Variants in C2orf72 observed in about 807,000 individuals in gnomAD.
C2orf72 encodes the protein uncharacterized protein C2orf72.
A neutral mutation model predicts 14.4 loss-of-function variants in C2orf72; 16 were observed. That is an observed-to-expected ratio of 1.11 (90% CI 0.75 to 1.69). C2orf72 has a LOEUF of 1.69. Among genes scored for constraint, C2orf72 ranks in the 40% most tolerant of loss-of-function variants. The pLI is 0.00. For missense variants in C2orf72, 371 were observed against 358.3 expected, an observed-to-expected ratio of 1.04 and a Z score of -0.29; for synonymous variants, 168 against 176.8, an observed-to-expected ratio of 0.95 and a Z score of 0.40.
intron 2 of C2orf72, among the ~76,000 whole-genome samples, chr2:231,045,595 T>C (rs1197045293): frequency 1.4e-5 from 2 of 145,338 alleles, no homozygotes; most frequent in African/African-American, 5.1e-5. Flanking sequence ...CTTGGCTCAC[T>C]GCAAGCCCCG....
In C2orf72 at chr2:231,046,947, G is replaced by T; in HGVS notation, c.814G>T (p.Asp272Tyr). Residue 272 changes from aspartate to tyrosine, a missense_variant, in exon 3 of 3, where the codon GAC becomes TAC. Around this residue, in one of 3 missense-constraint regions of C2orf72, gnomAD observed 145 missense variants for 149.4 expected, o/e 0.97. Transcript: ENST00000373640. ...TAIFPNGDCD[D>Y]LGRGSKACDG... ...CATATTTCCCAATGGAGACTGTGAT[G>T]ACCTTGGAAGGGGGTCAAAAGCCTG... The T allele has an allele frequency of 1.9e-6, 3 of 1,551,696 alleles. No individual in the cohort carries two copies. Among genetic ancestry groups the T allele is most frequent in the Non-Finnish European group, 2.6e-6 (3 of 1,146,994 alleles).
At chr2:231,042,848 T>C (rs545791298) in intron 2 of C2orf72, among the ~76,000 whole-genome samples, 1 of 152,068 alleles carries the variant, frequency 6.6e-6, no homozygotes. Flanking sequence ...CTACTAAAAA[T>C]ACAAAATTAG....
At chr2:231,046,833 C>T in intron 2 of C2orf72, 49 bp from the exon 3 acceptor site, 1 of 1,513,254 alleles carries the variant, frequency 6.6e-7, no homozygotes, top group Non-Finnish European at 8.9e-7. Flanking sequence ...AGATAACTCA[C>T]TCACAACCTT....
Position 231,047,144 on chromosome 2 carries a change from C to A in C2orf72, c.*123C>A. On this transcript the variant is annotated 3_prime_UTR_variant, in exon 3 of 3. Coordinates refer to ENST00000373640, the MANE Select transcript of C2orf72 (RefSeq NM_001144994.2). ...CCGCCTGCTGGAGGCCTGCCACACT[C>A]ACAGTTACCAGCTAGACAGTGGGGC... The A allele has an allele frequency of 8.4e-7, 1 of 1,185,506 alleles. No homozygotes were observed. Among genetic ancestry groups the A allele is most frequent in the Non-Finnish European group, 1.2e-6 (1 of 819,628 alleles). The allele number at this position is 1,185,506 out of a possible 1,614,324, so 73.4% of individuals were successfully genotyped here. A position where few individuals can be genotyped will look rare whatever the true frequency, so the allele number is the denominator to read the frequency against.
Position 231,041,223 on chromosome 2 carries a change from C to G in C2orf72, c.635-73C>G, listed in dbSNP as rs988379549. On this transcript the variant is annotated intron_variant, in intron 1 of 2. Coordinates refer to ENST00000373640, the MANE Select transcript of C2orf72 (RefSeq NM_001144994.2). ...GTTGACCGTTGGGGCACTTGATTTG[C>G]TAAACGAAATCTCTCAGTCTTGTGA... 13 of 1,107,508 alleles carry G rather than the reference C, an allele frequency of 1.2e-5. No individual in the cohort carries two copies. The African/African-American group carries it at 2.1e-4, about 18-fold the overall frequency. 68.6% of individuals were successfully genotyped at this position (1,107,508 alleles called of 1,614,324 possible). A position where few individuals can be genotyped will look rare whatever the true frequency, so the allele number is the denominator to read the frequency against.
At position 231,037,922 on chromosome 2, in the gene C2orf72, G is replaced by T; in HGVS notation, c.357G>T (p.Arg119=). ...GCCGCGCGTCGTCGCTGGCCGCCCG[G>T]GAGCCGCGGCGCCGCCTGCGGGAGA... ...VLCRASSLAA[R]EPRRRLREML... Residue 119 remains arginine, a synonymous_variant, in exon 1 of 3, where the codon CGG becomes CGT. Transcript: ENST00000373640. 1 of 1,028,746 alleles carries T rather than the reference G, an allele frequency of 9.7e-7. No individual in the cohort carries two copies. The highest frequency in any genetic ancestry group is 5.1e-5 in the Admixed American group (1 of 19,694). The allele number at this position is 1,028,746 out of a possible 1,614,324, so 63.7% of individuals were successfully genotyped here. A position where few individuals can be genotyped will look rare whatever the true frequency, so the allele number is the denominator to read the frequency against.
rs1490532418 is a variant in C2orf72 at position 231,048,397 on chromosome 2, C to T, written c.*1376C>T. 2.0e-5 allele frequency: 3 copies of T among 152,302 alleles called. No individual in the cohort carries two copies. Among genetic ancestry groups the T allele is most frequent in the Non-Finnish European group, 4.4e-5 (3 of 68,112 alleles). The allele number at this position is 152,302 out of a possible 1,614,324, so 9.4% of individuals were successfully genotyped here. On this transcript the variant is annotated 3_prime_UTR_variant, in exon 3 of 3. Transcript: ENST00000373640. ...GCTGCCTAACTTTGATTTGTTATTT[C>T]AGCTCTCTCCAGGATAGTGCCAAAT...
chr2:231,044,116 T>G (rs1693378915), intron 2 of C2orf72, among the ~76,000 whole-genome samples: 1 of 152,048 alleles, frequency 6.6e-6, no homozygotes, highest in South Asian at 2.1e-4. Flanking sequence ...GATCAAAAAA[T>G]GGTACATCTG....
In C2orf72 at chr2:231,048,875, C is replaced by G. The variant is rs945639633; in HGVS notation, c.*1854C>G. 1 of 152,154 alleles carries G rather than the reference C, an allele frequency of 6.6e-6. No homozygotes were observed. Among genetic ancestry groups the G allele is most frequent in the Admixed American group, 6.5e-5 (1 of 15,278 alleles). The allele number at this position is 152,154 out of a possible 1,614,324, so 9.4% of individuals were successfully genotyped here. A position where few individuals can be genotyped will look rare whatever the true frequency, so the allele number is the denominator to read the frequency against. ...AGACTGGTATTTTTGAAGCTGCTAT[C>G]ATTTTCTATTTCTTTATTAATTTCT... is the stretch of plus-strand genomic sequence containing the variant. On this transcript the variant is annotated 3_prime_UTR_variant, in exon 3 of 3. Transcript: ENST00000373640.
chr2:231,045,220 C>T (rs987417781), intron 2 of C2orf72, among the ~76,000 whole-genome samples: 3 of 151,458 alleles, frequency 2.0e-5, no homozygotes, highest in South Asian at 2.1e-4. Flanking sequence ...GCAGAGATTT[C>T]GCCAGTGCAC....
At chr2:231,039,261 T>C (rs537596205) in intron 1 of C2orf72, among the ~76,000 whole-genome samples, 1 of 148,036 alleles carries the variant, frequency 6.8e-6, no homozygotes, top group South Asian at 2.1e-4. Flanking sequence ...TAACATGGCA[T>C]ATGTATACAT....
In C2orf72 at chr2:231,038,039, G is replaced by A. The variant is rs1294046649; in HGVS notation, c.474G>A (p.Pro158=). 1.4e-5 allele frequency: 15 copies of A among 1,093,574 alleles called. No individual in the cohort carries two copies. In the South Asian group the frequency reaches 4.8e-4, roughly 35 times the overall value. 67.7% of individuals were successfully genotyped at this position (1,093,574 alleles called of 1,614,324 possible). A position where few individuals can be genotyped will look rare whatever the true frequency, so the allele number is the denominator to read the frequency against. ...CCGGGCCAGAGGACGCGGTGGCGCC[G>A]GGGCTGCGGCTGCTGGAGGCGCTGT... The part of the protein sequence containing the change: ...AEAGPEDAVA[P]GLRLLEALLR... Residue 158 remains proline, a synonymous_variant, in exon 1 of 3, where the codon CCG becomes CCA. Transcript: ENST00000373640.
Position 231,049,638 on chromosome 2 carries a change from G to A in C2orf72, c.*2617G>A, listed in dbSNP as rs1170717390. On this transcript the variant is annotated 3_prime_UTR_variant, in exon 3 of 3. Coordinates refer to ENST00000373640, the MANE Select transcript of C2orf72 (RefSeq NM_001144994.2). ...TAATCTTTCTAATATGGCAGTGGTT[G>A]TGGCACTTCTGACTTGAATTGATAA... 1 of 152,214 alleles carries A rather than the reference G, an allele frequency of 6.6e-6. No individual in the cohort carries two copies. Among genetic ancestry groups the A allele is most frequent in the African/African-American group, 2.4e-5 (1 of 41,456 alleles). 9.4% of individuals were successfully genotyped at this position (152,214 alleles called of 1,614,324 possible).
chr2:231,037,847 G>A lies in C2orf72; in HGVS notation c.282G>A (p.Ala94=). ...RAARAAGAAG[A]AAAAARAIRS... is the part of the protein sequence containing the mutation. ...CGAGGGCGGCTGGGGCGGCGGGGGC[G>A]GCGGCGGCGGCGGCGCGCGCCATCC... Residue 94 remains alanine (A), a synonymous_variant, in exon 1 of 3, where the codon GCG becomes GCA. Coordinates refer to ENST00000373640, the MANE Select transcript of C2orf72 (RefSeq NM_001144994.2). 1.0e-6 allele frequency: 1 copy of A among 979,122 alleles called. No individual in the cohort carries two copies. The allele number at this position is 979,122 out of a possible 1,614,324, so 60.7% of individuals were successfully genotyped here.
rs377239416 is a variant in C2orf72, at chr2:231,047,037, G to A, written c.*16G>A. 113 of 1,551,400 alleles carry A rather than the reference G, an allele frequency of 7.3e-5. No individual in the cohort carries two copies. The highest frequency in any genetic ancestry group is 9.3e-5 in the Non-Finnish European group (107 of 1,146,952). ...CTCAAGATGAAGGCTGGACCCTTGCGCTGTCCCTGGCTCTAACCTACAGAC... is the reference window on the plus strand; with the variant it reads ...CTCAAGATGAAGGCTGGACCCTTGCACTGTCCCTGGCTCTAACCTACAGAC... On this transcript the variant is annotated 3_prime_UTR_variant, in exon 3 of 3. Transcript: ENST00000373640.
Position 231,037,561 on chromosome 2 carries a change from C to T in C2orf72, c.-5C>T. ...GGCGGCCGCAGAGGGCGGGCGGCGG[C>T]CAGCATGGAGCGCGAGCTGGAGGCG... On this transcript the variant is annotated 5_prime_UTR_variant, in exon 1 of 3. Transcript: ENST00000373640. The T allele has an allele frequency of 9.8e-7, 1 of 1,022,102 alleles. No homozygotes were observed. The highest frequency in any genetic ancestry group is 1.2e-6 in the Non-Finnish European group (1 of 856,340). The allele number at this position is 1,022,102 out of a possible 1,614,324, so 63.3% of individuals were successfully genotyped here. A position where few individuals can be genotyped will look rare whatever the true frequency, so the allele number is the denominator to read the frequency against.
chr2:231,038,463 T>A (rs1191574350), intron 1 of C2orf72, among the ~76,000 whole-genome samples: 16 of 93,108 alleles, frequency 1.7e-4, no homozygotes, highest in Non-Finnish European at 3.0e-4. Context: ...GCAGAGGGAG[T>A]GGGTAGAGAG....
intron 1 of C2orf72, among the ~76,000 whole-genome samples, chr2:231,038,429 G>C (rs998880201): frequency 4.8e-5 from 7 of 147,188 alleles, no homozygotes; most frequent in Non-Finnish European, 9.0e-5. Flanking sequence ...GGGGGCGTGG[G>C]AAAGCTGAGG....
At chr2:231,043,649 A>T (rs191213866) in intron 2 of C2orf72, among the ~76,000 whole-genome samples, 23 of 152,364 alleles carry the variant, frequency 1.5e-4, no homozygotes, top group African/African-American at 5.1e-4. Context: ...TAAAGGAGAA[A>T]AGATGAAGCA....
Sources: allele counts gnomAD v4.1 joint callset (sites outside exome capture counted in the v4.1 genomes callset), GRCh38; gene constraint gnomAD v4.1.1; regional missense constraint gnomAD v4.1.1; transcripts MANE v1.5; gene names NCBI Gene and HGNC (gene_info 2026-07-23, HGNC 2026-07-21).